IL1RAPL1: variants seen among roughly 807,000 people sequenced by gnomAD.
The protein encoded by IL1RAPL1 is interleukin-1 receptor accessory protein-like 1.
In IL1RAPL1, 3 loss-of-function variants were observed where a neutral mutation model predicts 48.4. The ratio of observed to expected loss-of-function variants is 0.06; its 90% CI spans 0.03 to 0.16. The LOEUF is 0.16. IL1RAPL1 is among the 10% of genes least tolerant of loss of function. IL1RAPL1 has a pLI of 1.00. For synonymous variants in IL1RAPL1, 185 were observed against 187.7 expected (o/e 0.99, Z 0.12); for missense variants, 349 against 530.6 (o/e 0.66, Z 3.36).
intron 5 of IL1RAPL1, among the ~76,000 whole-genome samples, chrX:29,404,383 T>G (rs888063675): frequency 4.5e-5 from 5 of 112,053 alleles, no homozygotes; most frequent in Non-Finnish European, 7.5e-5. Context: ...CTTTCTGCCT[T>G]CCTTCCTTTT....
chrX:28,710,477 A>G (rs1185154423), intron 1 of IL1RAPL1, among the ~76,000 whole-genome samples: 1 of 109,724 alleles, frequency 9.1e-6, no homozygotes, highest in Non-Finnish European at 1.9e-5. Context: ...GGTCAAACAT[A>G]GGCCTTAAAT....
chrX:28,706,482 G>A (rs58277195), intron 1 of IL1RAPL1, among the ~76,000 whole-genome samples: 2,017 of 106,511 alleles, frequency 0.019, 44 homozygotes, highest in African/African-American at 0.066. Flanking sequence ...GTGTGATCTC[G>A]GCTCACTGCA....
chrX:29,723,056 A>G (rs1194447798), intron 6 of IL1RAPL1, among the ~76,000 whole-genome samples: 2 of 112,071 alleles, frequency 1.8e-5, no homozygotes, highest in African/African-American at 6.5e-5. Flanking sequence ...TAAGAAAGCT[A>G]TAGCTTTATG....
chrX:28,672,494 C>A (rs1174223060), intron 1 of IL1RAPL1, among the ~76,000 whole-genome samples: 1 of 111,460 alleles, frequency 9.0e-6, no homozygotes, highest in East Asian at 2.8e-4. Context: ...CCTTTCACAG[C>A]GGAGTCTACC....
intron 3 of IL1RAPL1, among the ~76,000 whole-genome samples, chrX:29,302,026 C>T (rs1358746248): frequency 8.9e-6 from 1 of 111,761 alleles, no homozygotes; most frequent in Non-Finnish European, 1.9e-5. Flanking sequence ...GGGAAAGAAA[C>T]AGAAGCTAGA....
intron 1 of IL1RAPL1, among the ~76,000 whole-genome samples, chrX:28,678,943 T>C (rs949104566): frequency 1.8e-5 from 2 of 112,085 alleles, no homozygotes; most frequent in African/African-American, 6.5e-5. Flanking sequence ...TTCCTTTCAA[T>C]ATATGCCCAG....
intron 2 of IL1RAPL1, among the ~76,000 whole-genome samples, chrX:29,256,441 G>T (rs997437322): frequency 2.7e-5 from 3 of 111,340 alleles, no homozygotes; most frequent in Non-Finnish European, 5.7e-5. Flanking sequence ...GAGCTTCCTA[G>T]CAGGGAATAT....
At chrX:29,704,995 G>A (rs774888551) in intron 6 of IL1RAPL1, among the ~76,000 whole-genome samples, 14 of 110,780 alleles carry the variant, frequency 1.3e-4, no homozygotes, top group Non-Finnish European at 2.6e-4. Flanking sequence ...GGTAAAGTCT[G>A]GGCTTCTGGT....
chrX:29,654,774 C>T (rs1434757789), intron 5 of IL1RAPL1, among the ~76,000 whole-genome samples: 1 of 111,756 alleles, frequency 8.9e-6, no homozygotes, highest in Non-Finnish European at 1.9e-5. Flanking sequence ...TAGAGAAATG[C>T]ATTGTAGTAG....
chrX:29,268,342 G>A (rs182112001), intron 2 of IL1RAPL1, among the ~76,000 whole-genome samples: 105 of 111,947 alleles, frequency 9.4e-4, no homozygotes, highest in Middle Eastern at 4.6e-3. Flanking sequence ...ATTTCATGGC[G>A]CAGTAATGGA....
At chrX:28,992,514 AAAAG>A (rs1221315398) in intron 2 of IL1RAPL1, among the ~76,000 whole-genome samples, 2 of 109,340 alleles carry the variant, frequency 1.8e-5, no homozygotes, top group Non-Finnish European at 3.8e-5. Flanking sequence ...AAAAAAAAAA[AAAAG>A]AAGAAAAAAA....
chrX:29,059,337 G>C (rs1927292425), intron 2 of IL1RAPL1, among the ~76,000 whole-genome samples: 1 of 111,313 alleles, frequency 9.0e-6, no homozygotes, highest in Non-Finnish European at 1.9e-5. Context: ...CACCCGAAAT[G>C]TTTGCTGCAA....
At chrX:29,336,784 C>A (rs745831398) in intron 3 of IL1RAPL1, among the ~76,000 whole-genome samples, 1 of 111,573 alleles carries the variant, frequency 9.0e-6, no homozygotes, top group East Asian at 2.8e-4. Context: ...ATTCTTCTGG[C>A]CTCTTTGTGC....
chrX:29,340,047 C>A (rs1010359206), intron 3 of IL1RAPL1, among the ~76,000 whole-genome samples: 12 of 111,987 alleles, frequency 1.1e-4, no homozygotes, highest in Non-Finnish European at 2.3e-4. Context: ...ACATGTTTTT[C>A]TGCCAACTGA....
chrX:29,380,108 A>G (rs1202688559), intron 3 of IL1RAPL1, among the ~76,000 whole-genome samples: 1 of 106,748 alleles, frequency 9.4e-6, no homozygotes, highest in South Asian at 3.9e-4. Flanking sequence ...CTAAAAGACC[A>G]TTCTTTTTTT....
At chrX:29,002,254 G>C (rs1432222914) in intron 2 of IL1RAPL1, among the ~76,000 whole-genome samples, 1 of 110,822 alleles carries the variant, frequency 9.0e-6, no homozygotes, top group African/African-American at 3.3e-5. Flanking sequence ...CTATAACATG[G>C]ATGAAGCTTA....
chrX:29,443,159 T>C (rs1479452256), intron 5 of IL1RAPL1, among the ~76,000 whole-genome samples: 1 of 109,558 alleles, frequency 9.1e-6, no homozygotes, highest in African/African-American at 3.3e-5. Flanking sequence ...GAACCAAATG[T>C]GTAATGTGTC....
At chrX:28,701,568 A>G (rs1032953266) in intron 1 of IL1RAPL1, among the ~76,000 whole-genome samples, 3 of 112,210 alleles carry the variant, frequency 2.7e-5, no homozygotes, top group Non-Finnish European at 5.6e-5. Flanking sequence ...TTATACACCT[A>G]AATTTTATTG....
At chrX:29,160,383 AT>A (rs1245311652) in intron 2 of IL1RAPL1, among the ~76,000 whole-genome samples, 2 of 111,430 alleles carry the variant, frequency 1.8e-5, no homozygotes, top group Non-Finnish European at 3.8e-5. Flanking sequence ...GATGGGTTTT[AT>A]TTTTATTTAA....
Sources: gnomAD v4.1 joint callset for allele counts (sites outside exome capture counted in the v4.1 genomes callset) on GRCh38, gnomAD v4.1.1 for gene constraint, MANE v1.5 for transcripts, NCBI Gene and HGNC (gene_info 2026-07-23, HGNC 2026-07-21) for gene names.